UNC5D: variants seen among roughly 807,000 people sequenced by gnomAD.
UNC5D encodes the protein netrin receptor UNC5D.
UNC5D carries 39 observed loss-of-function variants against 105.4 expected under a neutral mutation model. That is an observed-to-expected ratio of 0.37 (90% CI 0.29 to 0.48). The LOEUF (loss-of-function observed/expected upper bound fraction) is 0.48, where lower values mean the gene tolerates loss of function less well. Ranked by LOEUF, UNC5D falls within the 20% of genes least tolerant of loss-of-function variation. The pLI, the probability that UNC5D is intolerant of heterozygous loss-of-function variation, is 0.98. For synonymous variants in UNC5D, 452 were observed against 450.4 expected, an observed-to-expected ratio of 1.00 and a Z score of -0.04; for missense variants, 991 against 1,202.4, an observed-to-expected ratio of 0.82 and a Z score of 2.60.
intron 1 of UNC5D, among the ~76,000 whole-genome samples, chr8:35,366,179 C>A (rs917536563): frequency 1.3e-5 from 2 of 151,984 alleles, no homozygotes; most frequent in Non-Finnish European, 2.9e-5. Flanking sequence ...GAACTAATTG[C>A]ATTTTTTTTT....
At chr8:35,309,329 G>A (rs938774533) in intron 1 of UNC5D, among the ~76,000 whole-genome samples, 1 of 152,174 alleles carries the variant, frequency 6.6e-6, no homozygotes, top group African/African-American at 2.4e-5. Flanking sequence ...GTGCAACACT[G>A]AGGTACAGGA....
chr8:35,766,845 TC>T, intron 14 of UNC5D, 56 bp from the exon 15 acceptor site: 1 of 1,550,426 alleles, frequency 6.4e-7, no homozygotes, highest in Non-Finnish European at 8.7e-7. Context: ...TCTCTCCTGT[TC>T]TAGTTCATCT....
intron 3 of UNC5D, among the ~76,000 whole-genome samples, chr8:35,584,278 G>T (rs77906723): frequency 0.019 from 2,847 of 151,886 alleles, 41 homozygotes; most frequent in Non-Finnish European, 0.028. Context: ...GACCATTAGG[G>T]CAATAGCGAG....
chr8:35,731,533 C>G (rs1477413993), intron 11 of UNC5D, among the ~76,000 whole-genome samples: 1 of 151,024 alleles, frequency 6.6e-6, no homozygotes, highest in African/African-American at 2.4e-5. Context: ...CTCCTTGACT[C>G]TAGAAAGGAA....
At position 35,721,549 on chromosome 8, in the gene UNC5D, T is replaced by C. The variant is rs1244171886; in HGVS notation, c.1118-661T>C. 1.7e-5 allele frequency: 12 copies of C among 702,438 alleles called. No individual in the cohort carries two copies. In the South Asian group the frequency reaches 1.8e-4, roughly 10 times the overall value. The allele number at this position is 702,438 out of a possible 1,614,324, so 43.5% of individuals were successfully genotyped here. ...TTATTAGAGTCTAGCATTTAATTGGTGTCAGAAAACATCTGCCATGGACTT... is the reference window on the plus strand; with the variant it reads ...TTATTAGAGTCTAGCATTTAATTGGCGTCAGAAAACATCTGCCATGGACTT... On this transcript the variant is annotated intron_variant, in intron 8 of 16. Coordinates refer to ENST00000404895, the MANE Select transcript of UNC5D (RefSeq NM_080872.4).
chr8:35,387,625 G>A (rs1047939189), intron 1 of UNC5D, among the ~76,000 whole-genome samples: 1 of 152,080 alleles, frequency 6.6e-6, no homozygotes, highest in East Asian at 1.9e-4. Flanking sequence ...CAGACTACCC[G>A]TATTTGACGC....
chr8:35,621,061 T>TC (rs1337306021), intron 4 of UNC5D, among the ~76,000 whole-genome samples: 4 of 152,078 alleles, frequency 2.6e-5, no homozygotes, highest in Non-Finnish European at 5.9e-5. Context: ...GACCCTACTT[T>TC]CCCCCACTGG....
chr8:35,774,503 C>T (rs940794844), intron 16 of UNC5D, 26 bp downstream of exon 16: 6 of 1,612,012 alleles, frequency 3.7e-6, no homozygotes, highest in East Asian at 2.2e-5. Flanking sequence ...TTCTGGAAGA[C>T]GATGTTACTA....
chr8:35,288,041 G>A (rs1563282389), intron 1 of UNC5D, among the ~76,000 whole-genome samples: 2 of 152,016 alleles, frequency 1.3e-5, no homozygotes, highest in Non-Finnish European at 2.9e-5. Flanking sequence ...GGCTTAGACA[G>A]CATATTTAAG....
intron 1 of UNC5D, among the ~76,000 whole-genome samples, chr8:35,236,576 G>T (rs1802485848): frequency 6.6e-6 from 1 of 152,122 alleles, no homozygotes; most frequent in Admixed American, 6.5e-5. Flanking sequence ...GCTTGGAAGC[G>T]CGGGCCCCAC....
chr8:35,653,865 TATC>T (rs1823571213), intron 4 of UNC5D, among the ~76,000 whole-genome samples: 2 of 152,218 alleles, frequency 1.3e-5, no homozygotes, highest in Non-Finnish European at 2.9e-5. Flanking sequence ...CTTGTTATAA[TATC>T]ATCAGTCTTT....
At chr8:35,655,087 A>AT (rs746247222) in intron 4 of UNC5D, among the ~76,000 whole-genome samples, 3 of 152,204 alleles carry the variant, frequency 2.0e-5, no homozygotes, top group Non-Finnish European at 2.9e-5. Flanking sequence ...TTTCTCTAAT[A>AT]TGAAAAATAG....
At chr8:35,498,533 A>T (rs1811761597) in intron 1 of UNC5D, among the ~76,000 whole-genome samples, 1 of 152,120 alleles carries the variant, frequency 6.6e-6, no homozygotes, top group South Asian at 2.1e-4. Flanking sequence ...GAGGAGTGGG[A>T]TCAAAGGCAT....
rs140118459 is a variant in UNC5D, at chr8:35,506,333, A to G, written c.104-42959A>G. 7.2e-4 allele frequency among the ~76,000 whole-genome samples: 109 copies of G among 152,324 alleles called. 1 individual carries two copies. Among genetic ancestry groups the G allele is most frequent in the East Asian group, 2.3e-3 (12 of 5,180 alleles). On this transcript the variant is annotated intron_variant, in intron 1 of 16. Coordinates refer to ENST00000404895, the MANE Select transcript of UNC5D (RefSeq NM_080872.4). ...TCTTTTTAAGTCCCAGAGTCCCCCA[A>G]TATACTGTCATTCACATTTCAGTGG...
intron 1 of UNC5D, among the ~76,000 whole-genome samples, chr8:35,404,227 C>G (rs1195618419): frequency 6.6e-6 from 1 of 152,072 alleles, no homozygotes; most frequent in Non-Finnish European, 1.5e-5. Context: ...GGAGTTTGCC[C>G]AGCATGGTTA....
At chr8:35,453,217 G>C (rs990223265) in intron 1 of UNC5D, among the ~76,000 whole-genome samples, 1 of 152,084 alleles carries the variant, frequency 6.6e-6, no homozygotes. Flanking sequence ...GCATTTTCTA[G>C]GACCGAGAAT....
At chr8:35,513,056 C>T (rs1033992445) in intron 1 of UNC5D, among the ~76,000 whole-genome samples, 4 of 151,762 alleles carry the variant, frequency 2.6e-5, no homozygotes, top group Non-Finnish European at 4.4e-5. Context: ...TCCACACTCC[C>T]ATGCACACCT....
In UNC5D at chr8:35,492,869, T is replaced by A. The variant is rs1326248542; in HGVS notation, c.104-56423T>A. Among the ~76,000 whole-genome samples, 5 of 152,150 alleles carry A rather than the reference T, an allele frequency of 3.3e-5. No individual in the cohort carries two copies. In the East Asian group the frequency reaches 9.7e-4, roughly 29 times the overall value. ...ACTGCACTGCAAACAAAGATTGTCTTATTATGCAAGCAAGGTCTCCTAGGT... is the reference window on the plus strand; with the variant it reads ...ACTGCACTGCAAACAAAGATTGTCTAATTATGCAAGCAAGGTCTCCTAGGT... On this transcript the variant is annotated intron_variant, in intron 1 of 16. Coordinates refer to ENST00000404895, the MANE Select transcript of UNC5D (RefSeq NM_080872.4).
intron 1 of UNC5D, among the ~76,000 whole-genome samples, chr8:35,287,149 AC>A (rs537801052): frequency 4.2e-4 from 64 of 152,332 alleles, no homozygotes; most frequent in Non-Finnish European, 6.3e-4. Flanking sequence ...ACCAAAAAAC[AC>A]CTGCAAAGGC....
Sources: gnomAD v4.1 joint callset for allele counts (sites outside exome capture counted in the v4.1 genomes callset) on GRCh38, gnomAD v4.1.1 for gene constraint, MANE v1.5 for transcripts, NCBI Gene and HGNC (gene_info 2026-07-23, HGNC 2026-07-21) for gene names.